Variants in RREB1 observed in about 807,000 individuals in gnomAD.
RREB1 encodes the protein ras-responsive element-binding protein 1.
RREB1 carries 27 observed loss-of-function variants against 117.8 expected under a neutral mutation model. The ratio of observed to expected loss-of-function variants is 0.23; its 90% CI spans 0.17 to 0.32. The LOEUF (loss-of-function observed/expected upper bound fraction) is 0.32. RREB1 is among the 10% of genes least tolerant of loss of function. RREB1 has a pLI of 1.00. For synonymous variants in RREB1, 1,298 were observed against 1,026.7 expected (o/e 1.26, Z -5.05); for missense variants, 2,577 against 2,378.2 (o/e 1.08, Z -1.74).
At chr6:7,171,882 G>A (rs1427017617) in intron 1 of RREB1, among the ~76,000 whole-genome samples, 2 of 152,110 alleles carry the variant, frequency 1.3e-5, no homozygotes, top group Non-Finnish European at 2.9e-5. Context: ...GACGGGGCCA[G>A]AAGGTGGACT....
intron 1 of RREB1, among the ~76,000 whole-genome samples, chr6:7,133,750 G>GA (rs1296524221): frequency 2.0e-5 from 3 of 151,838 alleles, no homozygotes; most frequent in Admixed American, 6.6e-5. Flanking sequence ...GAACCCAAAG[G>GA]AAAAAACATC....
At position 7,231,735 on chromosome 6, in the gene RREB1, T is replaced by C. The variant is rs1581578121; in HGVS notation, c.3636T>C (p.Pro1212=). Residue 1212 remains proline (P), a synonymous_variant, in exon 10 of 13, where the codon CCT becomes CCC. Coordinates refer to ENST00000379938, the MANE Select transcript of RREB1 (RefSeq NM_001003699.4). ...CTCAGGATGAGGTGGCCGGAGCCCC[T>C]GCCGACCACCATGGGCCCAGTGATG... ...DNTQDEVAGA[P]ADHHGPSDEE... 3.7e-6 allele frequency: 6 copies of C among 1,613,826 alleles called. No homozygotes were observed. The highest frequency in any genetic ancestry group is 1.1e-5 in the South Asian group (1 of 91,080).
intron 6 of RREB1, among the ~76,000 whole-genome samples, chr6:7,202,976 G>A (rs561958086): frequency 6.6e-6 from 1 of 152,298 alleles, no homozygotes; most frequent in South Asian, 2.1e-4. Flanking sequence ...TTTGTAAATA[G>A]ATATGGGGAC....
chr6:7,173,512 A>C (rs1226030373), intron 1 of RREB1, among the ~76,000 whole-genome samples: 2 of 151,970 alleles, frequency 1.3e-5, no homozygotes, highest in Non-Finnish European at 2.9e-5. Flanking sequence ...AAGAAAAAAA[A>C]AAAAAAGAAC....
Position 7,231,924 on chromosome 6 carries a change from G to A in RREB1, c.3808+17G>A, listed in dbSNP as rs201239505. 1 of 1,564,126 alleles carries A rather than the reference G, an allele frequency of 6.4e-7. No individual in the cohort carries two copies. The highest frequency in any genetic ancestry group is 1.7e-4 in the Middle Eastern group (1 of 5,812). ...CACACACTGGTAAGAGGGCCACCGG[G>A]CTCCCAGGCAGTGAGTCCTACTTCC... On this transcript the variant is annotated intron_variant, in intron 10 of 12. Transcript: ENST00000379938.
intron 8 of RREB1, among the ~76,000 whole-genome samples, chr6:7,224,643 C>T (rs1767477128): frequency 6.6e-6 from 1 of 152,190 alleles, no homozygotes; most frequent in Non-Finnish European, 1.5e-5. Flanking sequence ...CAGAAAGAAC[C>T]TCACCCAGAG....
At chr6:7,226,385 T>C in intron 8 of RREB1, 82 bp from the exon 9 acceptor site, 1 of 1,006,338 alleles carries the variant, frequency 9.9e-7, no homozygotes, top group South Asian at 2.0e-5. Context: ...AACTTAAGTC[T>C]GGAAGAGTGG....
At position 7,231,038 on chromosome 6, in the gene RREB1, C is replaced by T. The variant is rs201773795; in HGVS notation, c.2939C>T (p.Pro980Leu). Residue 980 changes from proline (P) to leucine (L), a missense_variant, in exon 10 of 13, where the codon CCT becomes CTT. Transcript: ENST00000379938. ...TGCCCAGCACCCGGCCCTTCTCTTC[C>T]TGTAACTTTGGGGCCCAGCGGAATC... ...SPCPAPGPSL[P>L]VTLGPSGILE... 1.1e-5 allele frequency: 17 copies of T among 1,614,028 alleles called. No homozygotes were observed. Among genetic ancestry groups the T allele is most frequent in the East Asian group, 2.2e-5 (1 of 44,862 alleles).
At chr6:7,185,209 T>C (rs1315712919) in intron 4 of RREB1, 2 of 152,236 alleles carry the variant, frequency 1.3e-5, no homozygotes, top group African/African-American at 4.8e-5. Context: ...GTAGAATCCA[T>C]ATCCTTAATT....
intron 11 of RREB1, among the ~76,000 whole-genome samples, chr6:7,246,036 TATAACTC>T (rs1768995917): frequency 6.6e-6 from 1 of 152,148 alleles, no homozygotes; most frequent in Admixed American, 6.5e-5. Context: ...AAAAATAACT[TATAACTC>T]AAGCTTCCTC....
At chr6:7,237,465 C>T (rs9505088) in intron 10 of RREB1, among the ~76,000 whole-genome samples, 1,766 of 151,952 alleles carry the variant, frequency 0.012, 35 homozygotes, top group African/African-American at 0.04. Context: ...TGGGCTCAAG[C>T]GATCCACCTC....
chr6:7,198,926 A>G (rs1185344610), intron 6 of RREB1, among the ~76,000 whole-genome samples: 1 of 152,210 alleles, frequency 6.6e-6, no homozygotes, highest in Non-Finnish European at 1.5e-5. Context: ...TAGATAAGAC[A>G]TGGAGAAAAA....
intron 1 of RREB1, among the ~76,000 whole-genome samples, chr6:7,160,439 C>T (rs1763596298): frequency 6.6e-6 from 1 of 152,146 alleles, no homozygotes. Flanking sequence ...ATAAGTATAG[C>T]ATAGAATCTT....
intron 1 of RREB1, among the ~76,000 whole-genome samples, chr6:7,161,526 T>A (rs1187441867): frequency 6.6e-6 from 1 of 152,212 alleles, no homozygotes; most frequent in African/African-American, 2.4e-5. Flanking sequence ...TATGGTTGCC[T>A]GTGTTTGTGT....
chr6:7,205,867 A>T (rs887164319), intron 6 of RREB1, among the ~76,000 whole-genome samples: 2 of 152,208 alleles, frequency 1.3e-5, no homozygotes, highest in Non-Finnish European at 2.9e-5. Context: ...AAAGCCATTT[A>T]AGTTGAAAAT....
chr6:7,237,772 G>A (rs764632408), intron 10 of RREB1, among the ~76,000 whole-genome samples: 1 of 152,196 alleles, frequency 6.6e-6, no homozygotes, highest in Non-Finnish European at 1.5e-5. Flanking sequence ...CTGCAATCCA[G>A]AGAGCCCACC....
At chr6:7,220,738 TAA>T (rs1205720702) in intron 8 of RREB1, among the ~76,000 whole-genome samples, 1 of 152,260 alleles carries the variant, frequency 6.6e-6, no homozygotes, top group African/African-American at 2.4e-5. Context: ...CCTGTGGCTC[TAA>T]GTGCAGTTCT....
chr6:7,192,116 A>ATTTTTTTTTTTTTTTTTTTTTTTT (rs34074532), intron 6 of RREB1, among the ~76,000 whole-genome samples: 2 of 15,318 alleles, frequency 1.3e-4, no homozygotes, highest in Non-Finnish European at 1.1e-4. Context: ...TTGTCAGATG[A>ATTTTTTTTTTTTTTTTTTTTTTTT]TTTTTTTTTT....
chr6:7,157,270 C>A (rs193074875), intron 1 of RREB1, among the ~76,000 whole-genome samples: 1 of 151,458 alleles, frequency 6.6e-6, no homozygotes. Flanking sequence ...CTGTCTCTAC[C>A]AAAAATACAA....
Sources: gnomAD v4.1 joint callset for allele counts (sites outside exome capture counted in the v4.1 genomes callset) on GRCh38, gnomAD v4.1.1 for gene constraint, MANE v1.5 for transcripts, NCBI Gene and HGNC (gene_info 2026-07-23, HGNC 2026-07-21) for gene names.